Variants in MTUS2 observed in about 807,000 individuals in gnomAD.
MTUS2 encodes the protein microtubule-associated tumor suppressor candidate 2.
Under a neutral mutation model 114.1 loss-of-function variants are expected in MTUS2, and 40 were observed. The ratio of observed to expected loss-of-function variants is 0.35; its 90% CI spans 0.27 to 0.46. The LOEUF (loss-of-function observed/expected upper bound fraction) is 0.46, where lower values mean the gene tolerates loss of function less well. Among genes scored for constraint, MTUS2 ranks in the 20% least tolerant of loss-of-function variants. MTUS2 has a pLI of 1.00. For missense variants in MTUS2, 1,679 were observed against 1,705.4 expected (o/e 0.98, Z 0.27); for synonymous variants, 688 against 672.0 (o/e 1.02, Z -0.37).
chr13:29,486,257 A>G (rs144766846), intron 10 of MTUS2, among the ~76,000 whole-genome samples: 15 of 152,338 alleles, frequency 9.8e-5, no homozygotes, highest in Non-Finnish European at 2.2e-4. Flanking sequence ...TCCTAATGCC[A>G]TGGGTCTGCT....
At chr13:29,148,873 T>A (rs1892553478) in intron 5 of MTUS2, among the ~76,000 whole-genome samples, 2 of 152,298 alleles carry the variant, frequency 1.3e-5, no homozygotes, top group South Asian at 4.1e-4. Flanking sequence ...TATTCCTTTT[T>A]ATGGCTGCAT....
chr13:29,425,037 G>A (rs984898114), intron 8 of MTUS2, among the ~76,000 whole-genome samples: 30 of 152,254 alleles, frequency 2.0e-4, no homozygotes, highest in African/African-American at 7.2e-4. Flanking sequence ...ATGGCATTGT[G>A]GTTAGGTAAG....
chr13:29,309,926 G>C (rs1335851043), intron 6 of MTUS2, among the ~76,000 whole-genome samples: 1 of 151,974 alleles, frequency 6.6e-6, no homozygotes, highest in East Asian at 1.9e-4. Context: ...AAACAATTCA[G>C]TTATCCTCTT....
At chr13:29,015,128 A>C (rs1886012621) in intron 2 of MTUS2, among the ~76,000 whole-genome samples, 1 of 152,200 alleles carries the variant, frequency 6.6e-6, no homozygotes, top group African/African-American at 2.4e-5. Context: ...CGTGGGTTGG[A>C]GGACTGTTTG....
chr13:29,238,431 A>G (rs761368199), intron 5 of MTUS2, among the ~76,000 whole-genome samples: 2 of 152,236 alleles, frequency 1.3e-5, no homozygotes, highest in African/African-American at 2.4e-5. Context: ...AAAGTAGGGA[A>G]GCTGACAGTG....
chr13:29,410,643 T>A (rs1004887237), intron 8 of MTUS2, among the ~76,000 whole-genome samples: 4 of 152,220 alleles, frequency 2.6e-5, no homozygotes, highest in Non-Finnish European at 5.9e-5. Context: ...CCCCTTTATC[T>A]GTGACACATG....
intron 8 of MTUS2, among the ~76,000 whole-genome samples, chr13:29,421,941 T>G (rs1252439752): frequency 6.6e-6 from 1 of 152,228 alleles, no homozygotes; most frequent in Non-Finnish European, 1.5e-5. Context: ...AATTGAACAT[T>G]TTAACATTGA....
At chr13:29,105,975 C>T (rs1248402404) in intron 5 of MTUS2, among the ~76,000 whole-genome samples, 1 of 152,124 alleles carries the variant, frequency 6.6e-6, no homozygotes, top group Non-Finnish European at 1.5e-5. Flanking sequence ...CAGCCTGCCA[C>T]TTCATCGTGG....
chr13:29,230,775 A>G (rs1478117873), intron 5 of MTUS2, among the ~76,000 whole-genome samples: 4 of 152,216 alleles, frequency 2.6e-5, no homozygotes, highest in African/African-American at 4.8e-5. Flanking sequence ...TGATTTCAGT[A>G]TAGGAAAATG....
At chr13:29,071,409 A>G (rs1264956463) in intron 4 of MTUS2, among the ~76,000 whole-genome samples, 1 of 46,142 alleles carries the variant, frequency 2.2e-5, no homozygotes, top group Non-Finnish European at 3.5e-5. Context: ...TGTTGCTTGA[A>G]TTTTTTTTTT....
At chr13:29,271,017 TA>T (rs896846588) in intron 5 of MTUS2, among the ~76,000 whole-genome samples, 12 of 152,240 alleles carry the variant, frequency 7.9e-5, no homozygotes, top group Non-Finnish European at 1.8e-4. Context: ...CTATTGAAAG[TA>T]AAATTAGAAA....
At chr13:29,150,208 G>A (rs1191398698) in intron 5 of MTUS2, among the ~76,000 whole-genome samples, 1 of 152,066 alleles carries the variant, frequency 6.6e-6, no homozygotes, top group Non-Finnish European at 1.5e-5. Flanking sequence ...GTGGTTTGTA[G>A]TTCTCCTTGA....
intron 5 of MTUS2, among the ~76,000 whole-genome samples, chr13:29,237,685 A>ATTTCTC (rs1439677435): frequency 1.3e-5 from 2 of 152,128 alleles, no homozygotes; most frequent in African/African-American, 2.4e-5. Flanking sequence ...ATACCTGGAG[A>ATTTCTC]TTTCTCTTTC....
chr13:28,991,116 A>G (rs377749045), intron 2 of MTUS2, among the ~76,000 whole-genome samples: 8 of 152,212 alleles, frequency 5.3e-5, no homozygotes, highest in African/African-American at 1.7e-4. Context: ...CAGAGAAACA[A>G]CATGAGGCAG....
chr13:29,119,793 C>T (rs890324141), intron 5 of MTUS2, among the ~76,000 whole-genome samples: 30 of 152,120 alleles, frequency 2.0e-4, no homozygotes, highest in African/African-American at 7.2e-4. Flanking sequence ...TTTAGTCCAC[C>T]AATTTAAATG....
At chr13:29,240,612 TTTC>T (rs1896697387) in intron 5 of MTUS2, among the ~76,000 whole-genome samples, 1 of 152,248 alleles carries the variant, frequency 6.6e-6, no homozygotes, top group Non-Finnish European at 1.5e-5. Context: ...AGTATTATTT[TTTC>T]TTTAATTGGA....
intron 5 of MTUS2, among the ~76,000 whole-genome samples, chr13:29,213,333 TG>T (rs1226522253): frequency 6.6e-6 from 1 of 152,164 alleles, no homozygotes; most frequent in Non-Finnish European, 1.5e-5. Flanking sequence ...CTATGTGGAG[TG>T]TTCTACAAAT....
rs552570163 is a variant in MTUS2 at position 29,121,241 on chromosome 13, C to T, written c.2644+20271C>T. 3.9e-5 allele frequency among the ~76,000 whole-genome samples: 6 copies of T among 152,292 alleles called. No individual in the cohort carries two copies. The East Asian group carries it at 1.2e-3, about 29-fold the overall frequency. On this transcript the variant is annotated intron_variant, in intron 5 of 15. Transcript: ENST00000612955. ...CCCTGAAAATGTCTTTGATTGCTCTCATACTAAGAATAACTACAGAAATAT... is the reference window on the plus strand; with the variant it reads ...CCCTGAAAATGTCTTTGATTGCTCTTATACTAAGAATAACTACAGAAATAT...
In MTUS2 at chr13:28,887,363, A is replaced by G. The variant is rs1344490626; in HGVS notation, c.-243+47513A>G. Among the ~76,000 whole-genome samples the G allele has an allele frequency of 1.3e-5, 2 of 152,044 alleles. 1 individual carries two copies. Among genetic ancestry groups the G allele is most frequent in the African/African-American group, 4.8e-5 (2 of 41,390 alleles). ...GCTACTCGTTTCTGACGCACCTCCC[A>G]TGTCTCTGACCACAGCTGCCCCATC... On this transcript the variant is annotated intron_variant, in intron 2 of 15. Transcript: ENST00000612955.
Sources: gnomAD v4.1 joint callset for allele counts (sites outside exome capture counted in the v4.1 genomes callset) on GRCh38, gnomAD v4.1.1 for gene constraint, MANE v1.5 for transcripts, NCBI Gene and HGNC (gene_info 2026-07-23, HGNC 2026-07-21) for gene names.